The following KCNIP4 variants were observed in gnomAD, a reference collection of about 807,000 sequenced individuals.
KCNIP4 encodes the protein Kv channel-interacting protein 4.
Under a neutral mutation model 34.0 loss-of-function variants are expected in KCNIP4, and 12 were observed. The observed-to-expected ratio is 0.35, with a 90% CI of 0.23 to 0.57. The LOEUF (loss-of-function observed/expected upper bound fraction) is 0.57, where lower values mean the gene tolerates loss of function less well. KCNIP4 is among the 20% of genes least tolerant of loss of function. The pLI is 0.83. For synonymous variants in KCNIP4, 124 were observed against 102.2 expected, an observed-to-expected ratio of 1.21 and a Z score of -1.29; for missense variants, 238 against 311.7, an observed-to-expected ratio of 0.76 and a Z score of 1.78.
chr4:21,493,052 G>A (rs1377959772), intron 1 of KCNIP4, among the ~76,000 whole-genome samples: 3 of 152,138 alleles, frequency 2.0e-5, no homozygotes, highest in Non-Finnish European at 4.4e-5. Flanking sequence ...TTGTTATGTG[G>A]CACACCTTAT....
At chr4:21,351,785 G>A (rs760141098) in intron 1 of KCNIP4, among the ~76,000 whole-genome samples, 4 of 152,080 alleles carry the variant, frequency 2.6e-5, no homozygotes, top group Non-Finnish European at 4.4e-5. Context: ...TACAAGCCAA[G>A]GACAAAGGTC....
intron 1 of KCNIP4, among the ~76,000 whole-genome samples, chr4:20,919,680 G>A (rs1729195925): frequency 1.5e-5 from 2 of 136,198 alleles, no homozygotes; most frequent in South Asian, 2.3e-4. Flanking sequence ...TCCAGCCTGG[G>A]CAACAGAGTG....
chr4:21,389,787 C>A (rs1189870019), intron 1 of KCNIP4, among the ~76,000 whole-genome samples: 4 of 152,010 alleles, frequency 2.6e-5, no homozygotes, highest in Admixed American at 2.6e-4. Context: ...TTTATAGCAG[C>A]ATAATTTATA....
rs76335412 is a variant in KCNIP4 at position 20,983,342 on chromosome 4, G to T, written c.62-100633C>A. On this transcript the variant is annotated intron_variant, in intron 1 of 8. Coordinates refer to ENST00000382152, the MANE Select transcript of KCNIP4 (RefSeq NM_025221.6). ...CCATTAACTCAATTTCATATCAAAA[G>T]CTTACCCATTTTATATCATAATAAA... Among the ~76,000 whole-genome samples, 1,149 of 152,204 alleles carry T rather than the reference G, an allele frequency of 7.5e-3. 57 individuals are homozygous for T. In the East Asian group the frequency reaches 0.12, roughly 16 times the overall value.
chr4:21,407,862 G>A (rs1724128042), intron 1 of KCNIP4, among the ~76,000 whole-genome samples: 2 of 152,174 alleles, frequency 1.3e-5, no homozygotes, highest in South Asian at 4.1e-4. Context: ...ATAGTCAGTT[G>A]TAAGGAAACT....
At chr4:21,799,336 T>C (rs565717406) in intron 1 of KCNIP4, among the ~76,000 whole-genome samples, 1 of 152,302 alleles carries the variant, frequency 6.6e-6, no homozygotes. Flanking sequence ...AGAAATTGAA[T>C]CTAGGTATGG....
At chr4:21,218,795 G>C (rs1426308126) in intron 1 of KCNIP4, among the ~76,000 whole-genome samples, 1 of 151,986 alleles carries the variant, frequency 6.6e-6, no homozygotes, top group Non-Finnish European at 1.5e-5. Flanking sequence ...CTAAACTTAG[G>C]GATTTTGATT....
chr4:21,517,521 G>T (rs971495393), intron 1 of KCNIP4, among the ~76,000 whole-genome samples: 20 of 152,278 alleles, frequency 1.3e-4, no homozygotes, highest in African/African-American at 4.6e-4. Context: ...GTTTGTAAAA[G>T]AAATAAAACC....
At chr4:20,951,492 T>C (rs573234310) in intron 1 of KCNIP4, among the ~76,000 whole-genome samples, 19 of 152,304 alleles carry the variant, frequency 1.2e-4, no homozygotes, top group African/African-American at 3.8e-4. Flanking sequence ...GTAAAAGATA[T>C]TTTTTAAGTC....
chr4:20,856,888 G>T (rs1053509097), intron 2 of KCNIP4, among the ~76,000 whole-genome samples: 1 of 152,056 alleles, frequency 6.6e-6, no homozygotes, highest in Non-Finnish European at 1.5e-5. Flanking sequence ...CCAAAACAGC[G>T]GATTAAATTC....
intron 1 of KCNIP4, among the ~76,000 whole-genome samples, chr4:21,583,562 A>G (rs1741395482): frequency 6.6e-6 from 1 of 152,032 alleles, no homozygotes; most frequent in Non-Finnish European, 1.5e-5. Flanking sequence ...GCCTTTCACA[A>G]AATAAGTGCT....
At chr4:21,371,642 G>A (rs1380397466) in intron 1 of KCNIP4, among the ~76,000 whole-genome samples, 1 of 147,018 alleles carries the variant, frequency 6.8e-6, no homozygotes, top group Non-Finnish European at 1.5e-5. Context: ...CTCACTAAAT[G>A]TTAGTTGTTA....
intron 1 of KCNIP4, among the ~76,000 whole-genome samples, chr4:21,172,230 C>T (rs1190329595): frequency 6.6e-6 from 1 of 152,040 alleles, no homozygotes; most frequent in Non-Finnish European, 1.5e-5. Flanking sequence ...AGGGGTTTCA[C>T]CACATTGGCC....
At chr4:21,732,037 T>A (rs940970524) in intron 1 of KCNIP4, among the ~76,000 whole-genome samples, 1 of 150,840 alleles carries the variant, frequency 6.6e-6, no homozygotes, top group African/African-American at 2.4e-5. Context: ...AATATATATA[T>A]ATTTAATTGA....
intron 1 of KCNIP4, among the ~76,000 whole-genome samples, chr4:21,715,398 A>G (rs28705160): frequency 0.023 from 3,477 of 151,930 alleles, 149 homozygotes; most frequent in African/African-American, 0.079. Flanking sequence ...CCAAAGTGCT[A>G]GGATTACAGG....
chr4:21,179,298 G>T (rs1754670394), intron 1 of KCNIP4, among the ~76,000 whole-genome samples: 1 of 152,046 alleles, frequency 6.6e-6, no homozygotes, highest in African/African-American at 2.4e-5. Context: ...TGCTCACTCT[G>T]GTTCATTTCC....
At chr4:21,510,265 CAAG>C (rs1347325007) in intron 1 of KCNIP4, among the ~76,000 whole-genome samples, 1 of 151,918 alleles carries the variant, frequency 6.6e-6, no homozygotes, top group African/African-American at 2.4e-5. Flanking sequence ...CTTTCAACTC[CAAG>C]AAGAAGGTTT....
intron 1 of KCNIP4, among the ~76,000 whole-genome samples, chr4:21,888,487 C>A (rs1726912702): frequency 6.6e-6 from 1 of 151,994 alleles, no homozygotes; most frequent in Admixed American, 6.6e-5. Flanking sequence ...GCACCCAAAG[C>A]CTTGTGAACA....
At chr4:21,159,334 C>G (rs1415334263) in intron 1 of KCNIP4, among the ~76,000 whole-genome samples, 1 of 152,084 alleles carries the variant, frequency 6.6e-6, no homozygotes, top group Admixed American at 6.6e-5. Context: ...ATGCTATAGG[C>G]TAAGCAATGG....
Sources: allele counts gnomAD v4.1 joint callset (sites outside exome capture counted in the v4.1 genomes callset), GRCh38; gene constraint gnomAD v4.1.1; transcripts MANE v1.5; gene names NCBI Gene and HGNC (gene_info 2026-07-23, HGNC 2026-07-21).